ESYT3: variants seen among roughly 807,000 people sequenced by gnomAD.
ESYT3 encodes extended synaptotagmin 3, also known as extended synaptotagmin-3.
In ESYT3, 101 loss-of-function variants were observed where a neutral mutation model predicts 111.5. The observed-to-expected ratio is 0.91, with a 90% confidence interval of 0.77 to 1.07. ESYT3 has a LOEUF of 1.07. Among genes scored for constraint, ESYT3 ranks in the 50% least tolerant of loss-of-function variants. The pLI is 0.00. For missense variants in ESYT3, 1,097 were observed against 1,109.4 expected (o/e 0.99, Z 0.16); for synonymous variants, 416 against 446.8 (o/e 0.93, Z 0.87).
Position 138,476,821 on chromosome 3 carries a change from T to C in ESYT3, c.2628T>C (p.Tyr876=). The change falls in exon 23 of 23, where the codon TAT becomes TAC. Residue 876 remains tyrosine (Y), a synonymous_variant. Transcript: ENST00000389567. ...EDLIKGFSQW[Y]ELTPNGQPRS ...TCCAAACGTAACTGTCTTACAGGTATGAGCTGACTCCAAATGGACAGCCCA... is the reference window on the plus strand; with the variant it reads ...TCCAAACGTAACTGTCTTACAGGTACGAGCTGACTCCAAATGGACAGCCCA... 1 of 1,614,090 alleles carries C rather than the reference T, an allele frequency of 6.2e-7. No individual in the cohort carries two copies. Among genetic ancestry groups the C allele is most frequent in the Non-Finnish European group, 8.5e-7 (1 of 1,179,938 alleles).
intron 19 of ESYT3, 32 bp downstream of exon 19, chr3:138,473,666 T>TGG: frequency 6.3e-7 from 1 of 1,583,254 alleles, no homozygotes; most frequent in Admixed American, 1.7e-5. Flanking sequence ...GGAGGTCCTT[T>TGG]GGGAGCATCA....
At chr3:138,460,779 C>A in intron 7 of ESYT3, 113 bp downstream of exon 7, 4 of 1,153,330 alleles carry the variant, frequency 3.5e-6, no homozygotes, top group Non-Finnish European at 5.2e-6. Context: ...GTGCTCTCTG[C>A]AGAGGGAGAA....
At chr3:138,443,232 A>G (rs1413839555) in intron 1 of ESYT3, among the ~76,000 whole-genome samples, 2 of 152,268 alleles carry the variant, frequency 1.3e-5, no homozygotes, top group Non-Finnish European at 2.9e-5. Flanking sequence ...ATTACAGAAC[A>G]GTGCCAGACA....
At chr3:138,447,391 CAT>C (rs1282508238) in intron 1 of ESYT3, among the ~76,000 whole-genome samples, 10 of 152,240 alleles carry the variant, frequency 6.6e-5, no homozygotes, top group Non-Finnish European at 1.3e-4. Flanking sequence ...TGAAATCTCA[CAT>C]GTCTAGATAC....
Position 138,468,203 on chromosome 3 carries a change from G to A in ESYT3, c.1308+9G>A. 5 of 1,613,626 alleles carry A rather than the reference G, an allele frequency of 3.1e-6. No homozygotes were observed. The highest frequency in any genetic ancestry group is 4.2e-6 in the Non-Finnish European group (5 of 1,179,572). On this transcript the variant is annotated intron_variant, in intron 12 of 22. Coordinates refer to ENST00000389567, the MANE Select transcript of ESYT3 (RefSeq NM_031913.5). ...AAGAAGTTCTGACTGAGGTGAGTGT[G>A]GGGTGTCAAGGGCTCCCTTGCAGAA...
chr3:138,453,240 G>A (rs1460631404), intron 2 of ESYT3, among the ~76,000 whole-genome samples: 5 of 152,124 alleles, frequency 3.3e-5, no homozygotes, highest in South Asian at 2.1e-4. Context: ...CTCTGCCTGC[G>A]TTACATCTTT....
chr3:138,473,110 C>G (rs1022117374), intron 18 of ESYT3: 5 of 1,389,942 alleles, frequency 3.6e-6, no homozygotes, highest in South Asian at 1.7e-5. Context: ...TCCCTTCCAG[C>G]AGAACCATTG....
intron 18 of ESYT3, 176 bp downstream of exon 18, chr3:138,473,035 C>T: frequency 2.1e-6 from 3 of 1,455,970 alleles, no homozygotes; most frequent in African/African-American, 1.4e-5. Flanking sequence ...GAGAGCCAAA[C>T]AGGCTGTTTA....
At position 138,464,265 on chromosome 3, in the gene ESYT3, C is replaced by A. The variant is rs1450013105; in HGVS notation, c.916-80C>A. 3 of 1,514,226 alleles carry A rather than the reference C, an allele frequency of 2.0e-6. No individual in the cohort carries two copies. The East Asian group carries it at 6.8e-5, about 34-fold the overall frequency. The allele number at this position is 1,514,226 out of a possible 1,614,324, so 93.8% of individuals were successfully genotyped here. ...GGCAATATGGGGGCAGCAGTGATCT[C>A]TGATGGTTTTAGCTCTGATACTCCA... On this transcript the variant is annotated intron_variant, in intron 8 of 22. Coordinates refer to ENST00000389567, the MANE Select transcript of ESYT3 (RefSeq NM_031913.5).
intron 1 of ESYT3, among the ~76,000 whole-genome samples, chr3:138,444,628 C>T (rs1056271713): frequency 2.6e-5 from 4 of 152,182 alleles, no homozygotes; most frequent in Non-Finnish European, 2.9e-5. Context: ...AGTCCCTGGG[C>T]GCACTTCCTT....
chr3:138,450,055 T>C (rs2031823387), intron 1 of ESYT3, among the ~76,000 whole-genome samples: 1 of 152,192 alleles, frequency 6.6e-6, no homozygotes, highest in African/African-American at 2.4e-5. Context: ...CAGAGAGGCT[T>C]CCTGCAAGTG....
intron 10 of ESYT3, 81 bp downstream of exon 10, chr3:138,465,502 C>G (rs952198398): frequency 9.0e-7 from 1 of 1,108,922 alleles, no homozygotes; most frequent in South Asian, 1.4e-5. Flanking sequence ...CTGCTCCTAC[C>G]ACTTAATGAC....
Position 138,459,988 on chromosome 3 carries a change from A to G in ESYT3, c.692A>G (p.Asp231Gly). ...GTCATCCTGGAGCCCCTCCTAGTGGACAAGCCCTTTGTGGGAGCCGTGACT... is the reference window on the plus strand; with the variant it reads ...GTCATCCTGGAGCCCCTCCTAGTGGGCAAGCCCTTTGTGGGAGCCGTGACT... ...LRVILEPLLV[D>G]KPFVGAVTVF... The change falls in exon 6 of 23, where the codon GAC becomes GGC. Residue 231 changes from aspartate (D) to glycine (G), a missense_variant. By Grantham distance (94) the Asp-to-Gly change is moderately conservative (BLOSUM62 -1). Transcript: ENST00000389567. 6.2e-7 allele frequency: 1 copy of G among 1,614,060 alleles called. No homozygotes were observed.
chr3:138,444,697 G>A (rs1364313391), intron 1 of ESYT3, among the ~76,000 whole-genome samples: 2 of 152,228 alleles, frequency 1.3e-5, no homozygotes, highest in South Asian at 2.1e-4. Context: ...TCACCTTTTA[G>A]AGGGCAGAGC....
intron 6 of ESYT3, 62 bp downstream of exon 6, chr3:138,460,096 C>A: frequency 1.4e-6 from 2 of 1,472,336 alleles, no homozygotes; most frequent in Non-Finnish European, 1.9e-6. Flanking sequence ...GTCTGCTGGG[C>A]CCTAGACATT....
chr3:138,468,685 G>A lies in ESYT3; in HGVS notation c.1339G>A (p.Val447Met), dbSNP rs147129542. The A allele has an allele frequency of 5.0e-5, 81 of 1,613,580 alleles. No homozygotes were observed. Among genetic ancestry groups the A allele is most frequent in the East Asian group, 1.6e-4 (7 of 44,888 alleles). ...TGGTGGCCTTTCCACTGCCATTCTC[G>A]TGGTCTTCTTGGAGAGTGCCTGCAA... is the stretch of plus-strand genomic sequence containing the variant. ...DHGGLSTAIL[V>M]VFLESACNLP... Residue 447 changes from valine (V) to methionine (M), a missense_variant, in exon 13 of 23, where the codon GTG (valine) becomes ATG (methionine). Val to Met is a conservative substitution (Grantham distance 21, BLOSUM62 1). Transcript: ENST00000389567.
At position 138,440,103 on chromosome 3, in the gene ESYT3, G is replaced by A. The variant is rs751752040; in HGVS notation, c.327+4978G>A. 1.3e-5 allele frequency among the ~76,000 whole-genome samples: 2 copies of A among 152,124 alleles called. No individual in the cohort carries two copies. The highest frequency in any genetic ancestry group is 6.5e-5 in the Admixed American group (1 of 15,272). On this transcript the variant is annotated intron_variant, in intron 1 of 22. Transcript: ENST00000389567. The surrounding 1 kb of genome is among the most constrained non-coding windows in gnomAD (Gnocchi z 4.2). Reference sequence around the variant, plus strand: ...GGGTCTGCCATCATTAACCAGTCCCGAGCCTGCTTTTCTCTGGTGACACAT... The same window carrying A: ...GGGTCTGCCATCATTAACCAGTCCCAAGCCTGCTTTTCTCTGGTGACACAT...
chr3:138,451,778 A>C (rs957747882), intron 1 of ESYT3, among the ~76,000 whole-genome samples: 1 of 151,798 alleles, frequency 6.6e-6, no homozygotes, highest in Non-Finnish European at 1.5e-5. Flanking sequence ...GCTGGGCTGC[A>C]CTGCGGAATC....
intron 8 of ESYT3, among the ~76,000 whole-genome samples, chr3:138,463,468 CTTT>C (rs1044073875): frequency 4.6e-5 from 7 of 152,182 alleles, no homozygotes; most frequent in Non-Finnish European, 2.9e-5. Context: ...CTTCCACATT[CTTT>C]TTAAGAGCTC....
Sources: allele counts gnomAD v4.1 joint callset (sites outside exome capture counted in the v4.1 genomes callset), GRCh38; gene constraint gnomAD v4.1.1; non-coding constraint Gnocchi (gnomAD v3.1); transcripts MANE v1.5; gene names NCBI Gene and HGNC (gene_info 2026-07-23, HGNC 2026-07-21).